The following DLG2 variants were observed in gnomAD, a reference collection of about 807,000 sequenced individuals.
The protein encoded by DLG2 is discs large MAGUK scaffold protein 2.
DLG2 carries 45 observed loss-of-function variants against 132.5 expected under a neutral mutation model. The ratio of observed to expected loss-of-function variants is 0.34; its 90% CI spans 0.27 to 0.44. DLG2 has a LOEUF of 0.44. Among genes scored for constraint, DLG2 ranks in the 20% least tolerant of loss-of-function variants. The probability of loss-of-function intolerance (pLI) is 1.00; values close to 1 mark genes in which losing one functional copy is unlikely to be tolerated. For synonymous variants in DLG2, 424 were observed against 419.6 expected (o/e 1.01, Z -0.13); for missense variants, 1,045 against 1,196.9 (o/e 0.87, Z 1.87).
intron 6 of DLG2, among the ~76,000 whole-genome samples, chr11:84,570,554 G>T (rs1184953165): frequency 6.6e-6 from 1 of 152,078 alleles, no homozygotes; most frequent in African/African-American, 2.4e-5. Context: ...GTACCATCTG[G>T]TATAGAGTCC....
chr11:84,833,660 G>A (rs372862450), intron 6 of DLG2, among the ~76,000 whole-genome samples: 54 of 151,552 alleles, frequency 3.6e-4, no homozygotes, highest in African/African-American at 1.3e-3. Flanking sequence ...GCAGTTGTGG[G>A]GGGGTGGGCA....
intron 20 of DLG2, among the ~76,000 whole-genome samples, chr11:83,538,734 C>T (rs541391770): frequency 6.6e-6 from 1 of 152,342 alleles, no homozygotes; most frequent in South Asian, 2.1e-4. Context: ...TCTCTGTCTG[C>T]TGCCGTTTCA....
chr11:85,028,500 C>T (rs1347612841), intron 6 of DLG2, among the ~76,000 whole-genome samples: 1 of 152,100 alleles, frequency 6.6e-6, no homozygotes, highest in African/African-American at 2.4e-5. Context: ...GCCTGCAGGC[C>T]CACATCGAGC....
At chr11:83,651,126 AT>A (rs1835683356) in intron 18 of DLG2, among the ~76,000 whole-genome samples, 1 of 152,162 alleles carries the variant, frequency 6.6e-6, no homozygotes, top group Non-Finnish European at 1.5e-5. Flanking sequence ...ATTATGTCTT[AT>A]TTGACTGTGT....
At chr11:83,617,411 T>C (rs2060990266) in intron 19 of DLG2, among the ~76,000 whole-genome samples, 1 of 152,222 alleles carries the variant, frequency 6.6e-6, no homozygotes, top group Non-Finnish European at 1.5e-5. Context: ...GTCAATGATA[T>C]GTTTAGTTTT....
At chr11:84,655,097 G>A (rs943027701) in intron 6 of DLG2, among the ~76,000 whole-genome samples, 1 of 151,904 alleles carries the variant, frequency 6.6e-6, no homozygotes, top group Non-Finnish European at 1.5e-5. Flanking sequence ...CTAGAAAAAT[G>A]AAAATGCTGA....
chr11:84,545,301 G>A, intron 6 of DLG2: 1 of 505,804 alleles, frequency 2.0e-6, no homozygotes, highest in South Asian at 1.5e-5. Context: ...TGTTGTAGCT[G>A]CCAAAATCAC....
intron 5 of DLG2, among the ~76,000 whole-genome samples, chr11:85,127,137 T>G (rs1471198336): frequency 6.6e-6 from 1 of 152,080 alleles, no homozygotes; most frequent in African/African-American, 2.4e-5. Context: ...TGCTGATCTA[T>G]CTCTGCATCC....
intron 7 of DLG2, among the ~76,000 whole-genome samples, chr11:84,510,159 G>A (rs2099253398): frequency 6.6e-6 from 1 of 150,658 alleles, no homozygotes; most frequent in South Asian, 2.1e-4. Flanking sequence ...CAGTAAATTA[G>A]AATAAGGTAA....
chr11:84,134,092 T>A (rs2094515996), intron 9 of DLG2, among the ~76,000 whole-genome samples: 1 of 152,050 alleles, frequency 6.6e-6, no homozygotes, highest in Non-Finnish European at 1.5e-5. Flanking sequence ...ATGCTGGGAA[T>A]TCAGCTACAA....
rs537259735 is a variant in DLG2, at chr11:84,033,187, A to C, written c.919+26128T>G. The stretch of plus-strand genomic sequence containing the variant: ...TTTCAGAAAGCTATAGCTGCCATAA[A>C]TTGTGATTCCTCTGATGCATCTGAG... On this transcript the variant is annotated intron_variant, in intron 11 of 27. Transcript: ENST00000376104. 7.9e-4 allele frequency among the ~76,000 whole-genome samples: 120 copies of C among 152,326 alleles called. 1 individual carries two copies. Among genetic ancestry groups the C allele is most frequent in the African/African-American group, 2.8e-3 (118 of 41,574 alleles).
intron 15 of DLG2, among the ~76,000 whole-genome samples, chr11:83,907,277 T>C (rs956703287): frequency 2.6e-5 from 4 of 152,034 alleles, no homozygotes; most frequent in African/African-American, 7.2e-5. Context: ...ATCCCAAACA[T>C]TGGGGAATAA....
chr11:84,755,894 T>A (rs1024481404), intron 6 of DLG2, among the ~76,000 whole-genome samples: 1 of 152,210 alleles, frequency 6.6e-6, no homozygotes, highest in African/African-American at 2.4e-5. Flanking sequence ...GAAAGTTTAT[T>A]GTTCCCTTCA....
At chr11:84,545,061 A>C (rs899891780) in intron 6 of DLG2, 1 of 453,592 alleles carries the variant, frequency 2.2e-6, no homozygotes, top group African/African-American at 2.0e-5. Flanking sequence ...CTGAGTTCAC[A>C]AATCTGTTGT....
intron 7 of DLG2, among the ~76,000 whole-genome samples, chr11:84,512,542 T>G (rs895476267): frequency 2.6e-5 from 4 of 152,096 alleles, no homozygotes; most frequent in African/African-American, 9.7e-5. Context: ...TCTAGGACTT[T>G]GAAAAATTCA....
intron 7 of DLG2, among the ~76,000 whole-genome samples, chr11:84,348,043 C>G (rs1399317580): frequency 2.0e-5 from 3 of 152,094 alleles, no homozygotes; most frequent in Non-Finnish European, 1.5e-5. Context: ...AGGATTAAAA[C>G]AGATAACACA....
intron 16 of DLG2, among the ~76,000 whole-genome samples, chr11:83,843,305 T>C (rs1436451342): frequency 1.3e-5 from 2 of 152,180 alleles, no homozygotes; most frequent in African/African-American, 4.8e-5. Flanking sequence ...TTCTCATCTA[T>C]CTAACGAGGT....
rs77778544 is a variant in DLG2, at chr11:84,982,462, A to C, written c.357+129199T>G. On this transcript the variant is annotated intron_variant, in intron 6 of 27. Coordinates refer to ENST00000376104, the MANE Select transcript of DLG2 (RefSeq NM_001142699.3). Reference sequence around the variant, plus strand: ...TCTCCTCCTTAAAACCCCATGCCCCATACATCAACAGTTTATATATATTTT... The same window carrying C: ...TCTCCTCCTTAAAACCCCATGCCCCCTACATCAACAGTTTATATATATTTT... 8.9e-3 allele frequency among the ~76,000 whole-genome samples: 1,360 copies of C among 152,192 alleles called. 22 individuals carry two copies. The highest frequency in any genetic ancestry group is 0.031 in the African/African-American group (1,300 of 41,512).
chr11:83,557,545 T>C (rs552520433), intron 19 of DLG2, among the ~76,000 whole-genome samples: 1 of 152,366 alleles, frequency 6.6e-6, no homozygotes, highest in Non-Finnish European at 1.5e-5. Flanking sequence ...CTCTGCATCA[T>C]GGCAATACAC....
Sources: allele counts gnomAD v4.1 joint callset (sites outside exome capture counted in the v4.1 genomes callset), GRCh38; gene constraint gnomAD v4.1.1; transcripts MANE v1.5; gene names NCBI Gene and HGNC (gene_info 2026-07-23, HGNC 2026-07-21).